Variants in SLC7A7 observed in about 807,000 individuals in gnomAD.
SLC7A7 encodes Y+L amino acid transporter 1.
Under a neutral mutation model 47.9 loss-of-function variants are expected in SLC7A7, and 39 were observed. That is an observed-to-expected ratio of 0.81 (90% confidence interval 0.63 to 1.06). The LOEUF is 1.06. Among genes scored for constraint, SLC7A7 ranks in the 50% least tolerant of loss-of-function variants. The pLI is 0.00. For missense variants in SLC7A7, 588 were observed against 632.0 expected (o/e 0.93, Z 0.75); for synonymous variants, 234 against 242.8 (o/e 0.96, Z 0.34).
Position 22,776,311 on chromosome 14 carries a change from G to A in SLC7A7, c.778C>T (p.Pro260Ser), listed in dbSNP as rs773808071. 1.9e-6 allele frequency: 3 copies of A among 1,614,224 alleles called. No individual in the cohort carries two copies. Among genetic ancestry groups the A allele is most frequent in the Non-Finnish European group, 2.5e-6 (3 of 1,180,034 alleles). Residue 260 changes from proline to serine, a missense_variant, in exon 5 of 10, where the codon CCC becomes TCC. Physicochemically the swap from Pro to Ser is moderately conservative, Grantham distance 74 (BLOSUM62 -1). Transcript: ENST00000674313. Reference sequence around the variant, plus strand: ...GGCATGGAGATGCCAATGGAGAGGGGCAGGTTCCTACAGCCAAATAGAATA... The same window carrying A: ...GGCATGGAGATGCCAATGGAGAGGGACAGGTTCCTACAGCCAAATAGAATA... Reference protein sequence around the residue: ...EEIKNPERNLPLSIGISMPIV... With the variant: ...EEIKNPERNLSLSIGISMPIV...
At chr14:22,788,438 A>G (rs1251289270) in intron 2 of SLC7A7, among the ~76,000 whole-genome samples, 1 of 152,100 alleles carries the variant, frequency 6.6e-6, no homozygotes, top group Non-Finnish European at 1.5e-5. Context: ...CACTAAGAAT[A>G]AACAATCTGT....
intron 2 of SLC7A7, among the ~76,000 whole-genome samples, chr14:22,798,972 G>A (rs2039064516): frequency 6.6e-6 from 1 of 152,132 alleles, no homozygotes; most frequent in African/African-American, 2.4e-5. Flanking sequence ...CTGTGTGAGG[G>A]CAGAGAGTGG....
At chr14:22,775,092 G>GACACACAC (rs60658611) in intron 7 of SLC7A7, among the ~76,000 whole-genome samples, 10,591 of 151,572 alleles carry the variant, frequency 0.07, 442 homozygotes, top group Non-Finnish European at 0.11. Flanking sequence ...TGGATTTTAA[G>GACACACAC]ACACACACAC....
At chr14:22,791,016 G>T (rs1334872570) in intron 2 of SLC7A7, among the ~76,000 whole-genome samples, 1 of 148,370 alleles carries the variant, frequency 6.7e-6, no homozygotes, top group Non-Finnish European at 1.5e-5. Context: ...AAAAAAAAAG[G>T]TCAAATACGT....
intron 2 of SLC7A7, among the ~76,000 whole-genome samples, chr14:22,787,413 G>A (rs2146232): frequency 0.58 from 87,769 of 150,930 alleles, 26,343 homozygotes; most frequent in South Asian, 0.68. Context: ...TCCAGCCTGG[G>A]CGACAGAGTG....
chr14:22,786,993 T>C (rs1594955901), intron 2 of SLC7A7, among the ~76,000 whole-genome samples: 1 of 152,226 alleles, frequency 6.6e-6, no homozygotes, highest in Non-Finnish European at 1.5e-5. Context: ...TTAGTCTTAG[T>C]GACTTTCCTC....
chr14:22,785,838 C>T (rs1206270874), intron 2 of SLC7A7, among the ~76,000 whole-genome samples: 2 of 151,082 alleles, frequency 1.3e-5, no homozygotes, highest in South Asian at 2.1e-4. Flanking sequence ...CTGGCTAACA[C>T]GGTGAAACCC....
At chr14:22,814,897 GGC>G (rs1259070875) in intron 1 of SLC7A7, 2 of 183,814 alleles carry the variant, frequency 1.1e-5, no homozygotes, top group Admixed American at 1.1e-4. Flanking sequence ...AAAGAAGACA[GGC>G]TATTATCTTT....
intron 2 of SLC7A7, among the ~76,000 whole-genome samples, chr14:22,794,119 G>C (rs1291180697): frequency 6.6e-6 from 1 of 152,226 alleles, no homozygotes; most frequent in Non-Finnish European, 1.5e-5. Context: ...TCTGCTCCCA[G>C]AATGTTCGGG....
chr14:22,776,033 C>A, intron 5 of SLC7A7, 97 bp from the exon 6 acceptor site: 2 of 1,421,288 alleles, frequency 1.4e-6, no homozygotes. Flanking sequence ...GGTATTCCAA[C>A]CTTTCTTCCA....
chr14:22,774,442 C>T lies in SLC7A7; in HGVS notation c.1157G>A (p.Ser386Asn), dbSNP rs1450994756. ...CCCCACAAAGAACCAGTAGCTGAAG[C>T]TGTAGTAGTTAATGAGCTGGAAGAT... Reference protein sequence around the residue: ...EDIFQLINYYSFSYWFFVGLS... With the variant: ...EDIFQLINYYNFSYWFFVGLS... The change falls in exon 8 of 10, where the codon AGC becomes AAC. Residue 386 changes from serine to asparagine, a missense_variant. Physicochemically the swap from Ser to Asn is conservative, Grantham distance 46 (BLOSUM62 1). Transcript: ENST00000674313. The T allele has an allele frequency of 6.2e-7, 1 of 1,614,138 alleles. No individual in the cohort carries two copies. The highest frequency in any genetic ancestry group is 1.7e-5 in the Admixed American group (1 of 60,004).
chr14:22,811,131 C>G (rs2039299420), intron 2 of SLC7A7, among the ~76,000 whole-genome samples: 1 of 152,142 alleles, frequency 6.6e-6, no homozygotes, highest in East Asian at 1.9e-4. Flanking sequence ...AAGGACCCCA[C>G]AGAAGACAGC....
chr14:22,774,511 C>T lies in SLC7A7; in HGVS notation c.1096-8G>A, dbSNP rs1378166336. 5.6e-6 allele frequency: 9 copies of T among 1,614,140 alleles called. No homozygotes were observed. The highest frequency in any genetic ancestry group is 3.3e-5 in the South Asian group (3 of 91,076). ...GATCAATGCCATGATACCCTGTAAG[C>T]GTGAGCCTAAGTCAGCTCTTCTCAG... is the stretch of plus-strand genomic sequence containing the variant. On this transcript the variant is annotated splice_polypyrimidine_tract_variant and splice_region_variant and intron_variant, in intron 7 of 9. Transcript: ENST00000674313.
chr14:22,805,913 CG>C (rs2139445238), intron 2 of SLC7A7, among the ~76,000 whole-genome samples: 1 of 152,058 alleles, frequency 6.6e-6, no homozygotes, highest in African/African-American at 2.4e-5. Context: ...GAGGCTGAGG[CG>C]GGCAGATCAC....
chr14:22,816,887 C>G (rs2039413913), upstream of SLC7A7, among the ~76,000 whole-genome samples: 1 of 151,974 alleles, frequency 6.6e-6, no homozygotes, highest in African/African-American at 2.4e-5. Flanking sequence ...TCATGCTTCT[C>G]CCAAGACAGG....
intron 2 of SLC7A7, among the ~76,000 whole-genome samples, chr14:22,809,305 A>T (rs2039262473): frequency 6.7e-6 from 1 of 149,568 alleles, no homozygotes. Flanking sequence ...CAGCCTCCCT[A>T]GTAGCTGGGA....
At chr14:22,777,186 C>CAATT (rs1232233856) in intron 4 of SLC7A7, among the ~76,000 whole-genome samples, 134 of 129,792 alleles carry the variant, frequency 1.0e-3, no homozygotes, top group African/African-American at 3.7e-3. Flanking sequence ...GGGGGATTAA[C>CAATT]AAAGACTGTC....
chr14:22,785,015 G>C (rs1185989847), intron 2 of SLC7A7, among the ~76,000 whole-genome samples: 1 of 151,642 alleles, frequency 6.6e-6, no homozygotes, highest in African/African-American at 2.4e-5. Flanking sequence ...GCGGTGGTTC[G>C]CGCCTGTAAT....
chr14:22,776,241 G>A lies in SLC7A7; in HGVS notation c.848C>T (p.Thr283Ile). Reference sequence around the variant, plus strand: ...CAAGATGTCTCTCATGTCTAGCACAGTATAATAGGCCACATTGGTCAAGAT... The same window carrying A: ...CAAGATGTCTCTCATGTCTAGCACAATATAATAGGCCACATTGGTCAAGAT... ...IYILTNVAYY[T>I]VLDMRDILAS... Residue 283 changes from threonine (T) to isoleucine (I), a missense_variant, in exon 5 of 10, where the codon ACT (threonine) becomes ATT (isoleucine). Transcript: ENST00000674313. 1.2e-6 allele frequency: 2 copies of A among 1,614,214 alleles called. No homozygotes were observed. Among genetic ancestry groups the A allele is most frequent in the Non-Finnish European group, 1.7e-6 (2 of 1,180,030 alleles).
Sources: gnomAD v4.1 joint callset for allele counts (sites outside exome capture counted in the v4.1 genomes callset) on GRCh38, gnomAD v4.1.1 for gene constraint, MANE v1.5 for transcripts, NCBI Gene and HGNC (gene_info 2026-07-23, HGNC 2026-07-21) for gene names.